TOR1AIP2: variants seen among roughly 807,000 people sequenced by gnomAD.
TOR1AIP2 encodes torsin-1A-interacting protein 2.
TOR1AIP2 carries 20 observed loss-of-function variants against 32.6 expected under a neutral mutation model. The ratio of observed to expected loss-of-function variants is 0.61; its 90% CI spans 0.43 to 0.89. The LOEUF (loss-of-function observed/expected upper bound fraction) is 0.89, where lower values mean the gene tolerates loss of function less well. TOR1AIP2 is among the 40% of genes least tolerant of loss of function. The pLI, the probability that TOR1AIP2 is intolerant of heterozygous loss-of-function variation, is 0.00. For missense variants in TOR1AIP2, 456 were observed against 553.8 expected, an observed-to-expected ratio of 0.82 and a Z score of 1.77; for synonymous variants, 214 against 210.8, an observed-to-expected ratio of 1.02 and a Z score of -0.13.
intron 3 of TOR1AIP2, chr1:179,864,267 A>G: frequency 1.0e-6 from 1 of 984,304 alleles, no homozygotes; most frequent in South Asian, 4.7e-5. Context: ...AGCAAATTTT[A>G]TCTATCTATC....
intron 2 of TOR1AIP2, among the ~76,000 whole-genome samples, 159 bp downstream of exon 2, chr1:179,877,080 A>C (rs1018330321): frequency 2.0e-5 from 3 of 152,028 alleles, no homozygotes; most frequent in Admixed American, 2.0e-4. Context: ...CGCCGCCTAC[A>C]CTAGTAGGCA....
At chr1:179,865,330 A>C (rs891844749) in intron 3 of TOR1AIP2, 106 bp downstream of exon 3, 2 of 925,618 alleles carry the variant, frequency 2.2e-6, no homozygotes, top group Non-Finnish European at 3.2e-6. Context: ...CTTGGCTTGC[A>C]CCTCCGTGCA....
chr1:179,862,499 G>A (rs1696582709), intron 3 of TOR1AIP2: 3 of 985,386 alleles, frequency 3.0e-6, no homozygotes, highest in Non-Finnish European at 1.2e-6. Flanking sequence ...CATTGTAAGA[G>A]ACATAAGGCA....
chr1:179,849,684 T>C (rs1023172642), intron 5 of TOR1AIP2, among the ~76,000 whole-genome samples: 6 of 152,226 alleles, frequency 3.9e-5, no homozygotes, highest in Non-Finnish European at 8.8e-5. Context: ...CTTGAACTCC[T>C]GGGCTCAAGC....
At chr1:179,865,336 G>A (rs1319963211) in intron 3 of TOR1AIP2, 100 bp downstream of exon 3, 27 of 871,086 alleles carry the variant, frequency 3.1e-5, no homozygotes, top group East Asian at 5.3e-5. Context: ...TTGCACCTCC[G>A]TGCAATTCTT....
chr1:179,851,941 CA>C, intron 4 of TOR1AIP2, among the ~76,000 whole-genome samples: 1 of 152,254 alleles, frequency 6.6e-6, no homozygotes, highest in East Asian at 1.9e-4. Context: ...ATATAATCAG[CA>C]AAACCCAGCA....
intron 3 of TOR1AIP2, chr1:179,861,286 T>C (rs1696520145): frequency 1.0e-6 from 1 of 984,756 alleles, no homozygotes; most frequent in Non-Finnish European, 1.2e-6. Context: ...AAATTCATTA[T>C]TCATATCAAC....
At chr1:179,853,778 AG>A (rs1423958790) in intron 3 of TOR1AIP2, among the ~76,000 whole-genome samples, 1 of 152,196 alleles carries the variant, frequency 6.6e-6, no homozygotes, top group Non-Finnish European at 1.5e-5. Flanking sequence ...TTAACTTAAA[AG>A]CTTATGAAAA....
intron 3 of TOR1AIP2, chr1:179,860,352 C>G (rs1696472733): frequency 1.4e-6 from 1 of 739,820 alleles, no homozygotes; most frequent in African/African-American, 1.9e-5. Flanking sequence ...CATGGTGGTG[C>G]AAGCCTGTAG....
At position 179,851,158 on chromosome 1, in the gene TOR1AIP2, T is replaced by C; in HGVS notation, c.240A>G (p.Lys80=). ...CATCTTCTGTTTTATCCTTTGGATG[T>C]TTCCCCACATTTGCTTCATCTGGAC... ...SESPDEANVG[K]HPKDKTEDEN... Residue 80 remains lysine (K), a synonymous_variant, in exon 5 of 7, where the codon AAA becomes AAG. Transcript: ENST00000609928. The C allele has an allele frequency of 6.2e-7, 1 of 1,614,178 alleles. No individual in the cohort carries two copies. Among genetic ancestry groups the C allele is most frequent in the Non-Finnish European group, 8.5e-7 (1 of 1,180,024 alleles).
At chr1:179,853,890 G>A (rs1381342173) in intron 3 of TOR1AIP2, among the ~76,000 whole-genome samples, 10 of 152,174 alleles carry the variant, frequency 6.6e-5, no homozygotes, top group Non-Finnish European at 1.5e-4. Context: ...AACACTTAGC[G>A]AAGTGTTCAG....
intron 3 of TOR1AIP2, chr1:179,861,854 A>C (rs1696546209): frequency 1.0e-6 from 1 of 953,364 alleles, no homozygotes; most frequent in African/African-American, 1.8e-5. Context: ...TACTATTTAT[A>C]TCTTTTATGT....
intron 3 of TOR1AIP2, chr1:179,861,048 T>C (rs1047368879): frequency 1.6e-5 from 16 of 985,336 alleles, no homozygotes; most frequent in Non-Finnish European, 1.8e-5. Context: ...GGTCTGCCCT[T>C]GCATGTTTCC....
intron 2 of TOR1AIP2, among the ~76,000 whole-genome samples, chr1:179,870,124 C>T (rs1039860816): frequency 3.3e-5 from 5 of 152,098 alleles, no homozygotes; most frequent in African/African-American, 7.2e-5. Flanking sequence ...CGGCTGGGCA[C>T]GGTGGTTTAC....
Position 179,846,329 on chromosome 1 carries a change from C to G in TOR1AIP2, c.1155G>C (p.Glu385Asp). 1 of 1,614,208 alleles carries G rather than the reference C, an allele frequency of 6.2e-7. No individual in the cohort carries two copies. The highest frequency in any genetic ancestry group is 8.5e-7 in the Non-Finnish European group (1 of 1,180,038). ...GGGCCACATCTTTAAAGGCAGCATT[C>G]TCATGATCACAATACTTATAGAAGA... Reference protein sequence around the residue: ...TLIFYKYCDHENAAFKDVALV... With the variant: ...TLIFYKYCDHDNAAFKDVALV... Residue 385 changes from glutamate (E) to aspartate (D), a missense_variant, in exon 7 of 7, where the codon GAG becomes GAC. By Grantham distance (45) the Glu-to-Asp change is conservative. Transcript: ENST00000609928.
intron 2 of TOR1AIP2, chr1:179,868,586 A>G (rs959628776): frequency 6.6e-6 from 1 of 152,202 alleles, no homozygotes. Context: ...ACATTTAAAA[A>G]CATGAATAAA....
In TOR1AIP2 at chr1:179,844,106, T is replaced by G. The variant is rs1446041475; in HGVS notation, c.*1965A>C. ...ATAGTTATACAAGGCAACACTGGTTTTGTGGATGTAACGCTAGCATCTAAG... is the reference window on the plus strand; with the variant it reads ...ATAGTTATACAAGGCAACACTGGTTGTGTGGATGTAACGCTAGCATCTAAG... On this transcript the variant is annotated 3_prime_UTR_variant, in exon 7 of 7. Coordinates refer to ENST00000609928, the MANE Select transcript of TOR1AIP2 (RefSeq NM_001199260.2). 6.6e-6 allele frequency: 1 copy of G among 152,174 alleles called. No individual in the cohort carries two copies. Among genetic ancestry groups the G allele is most frequent in the African/African-American group, 2.4e-5 (1 of 41,440 alleles). 9.4% of individuals were successfully genotyped at this position (152,174 alleles called of 1,614,324 possible).
chr1:179,863,395 T>C (rs536615281), intron 3 of TOR1AIP2: 1 of 985,306 alleles, frequency 1.0e-6, no homozygotes, highest in East Asian at 1.1e-4. Flanking sequence ...TGGGAAAGAC[T>C]TGATTCCCAA....
At chr1:179,873,169 G>A (rs1411402135) in intron 2 of TOR1AIP2, among the ~76,000 whole-genome samples, 1 of 152,066 alleles carries the variant, frequency 6.6e-6, no homozygotes, top group African/African-American at 2.4e-5. Context: ...GAAGAATACT[G>A]GTCAGTTATT....
Sources: gnomAD v4.1 joint callset for allele counts (sites outside exome capture counted in the v4.1 genomes callset) on GRCh38, gnomAD v4.1.1 for gene constraint, MANE v1.5 for transcripts, NCBI Gene and HGNC (gene_info 2026-07-23, HGNC 2026-07-21) for gene names.